EHMT1: variants seen among roughly 807,000 people sequenced by gnomAD.
EHMT1 encodes euchromatic histone lysine methyltransferase 1.
EHMT1 carries 15 observed loss-of-function variants against 147.2 expected under a neutral mutation model. That is an observed-to-expected ratio of 0.10 (90% CI 0.07 to 0.16). EHMT1 has a LOEUF of 0.16. Ranked by LOEUF, EHMT1 falls within the 10% of genes least tolerant of loss-of-function variation. The pLI is 1.00. For synonymous variants in EHMT1, 795 were observed against 709.6 expected (o/e 1.12, Z -1.91); for missense variants, 1,587 against 1,772.4 (o/e 0.90, Z 1.88).
chr9:137,674,356 C>T (rs1589211827), intron 1 of EHMT1, among the ~76,000 whole-genome samples: 2 of 152,274 alleles, frequency 1.3e-5, no homozygotes, highest in South Asian at 4.1e-4. Flanking sequence ...TCAAAGAGCA[C>T]CAACATGATA....
chr9:137,752,092 C>G (rs1949013566), intron 6 of EHMT1, among the ~76,000 whole-genome samples: 3 of 152,212 alleles, frequency 2.0e-5, no homozygotes, highest in African/African-American at 7.2e-5. Flanking sequence ...GAGACAGGAC[C>G]GGGGAGCAGA....
intron 26 of EHMT1, 79 bp from the exon 27 acceptor site, chr9:137,834,694 G>A (rs1956479575): frequency 2.5e-6 from 4 of 1,608,400 alleles, no homozygotes; most frequent in Non-Finnish European, 3.4e-6. Flanking sequence ...AGGAAGCTTT[G>A]GCCTTGCCTT....
intron 7 of EHMT1, among the ~76,000 whole-genome samples, chr9:137,752,760 A>C (rs1949073569): frequency 6.6e-6 from 1 of 151,978 alleles, no homozygotes. Flanking sequence ...ATGTGCGAGA[A>C]GGAAGGGCTG....
At chr9:137,826,314 TTTTG>T (rs1201689226) in intron 25 of EHMT1, among the ~76,000 whole-genome samples, 2 of 152,326 alleles carry the variant, frequency 1.3e-5, no homozygotes, top group African/African-American at 4.8e-5. Context: ...TTCTGGTTAG[TTTTG>T]TTTGAGTGCC....
intron 25 of EHMT1, among the ~76,000 whole-genome samples, chr9:137,824,178 C>T (rs1017482691): frequency 2.0e-5 from 3 of 152,122 alleles, no homozygotes; most frequent in African/African-American, 7.2e-5. Context: ...GAGGCCGAGA[C>T]GGAGTTTGAA....
chr9:137,635,985 G>A lies in EHMT1; in HGVS notation c.21+16936G>A, dbSNP rs535429500. Among the ~76,000 whole-genome samples the A allele has an allele frequency of 6.0e-5, 9 of 150,988 alleles. No individual in the cohort carries two copies. In the South Asian group the frequency reaches 8.5e-4, roughly 14 times the overall value. On this transcript the variant is annotated intron_variant, in intron 1 of 26. Coordinates refer to ENST00000460843, the MANE Select transcript of EHMT1 (RefSeq NM_024757.5). Reference sequence around the variant, plus strand: ...CGCCCAGGCTAGAGTGCAGTGGTACGATCTCGGTTCACTGCAACCTCCGCC... The same window carrying A: ...CGCCCAGGCTAGAGTGCAGTGGTACAATCTCGGTTCACTGCAACCTCCGCC...
At chr9:137,665,610 C>A (rs1271064337) in intron 1 of EHMT1, among the ~76,000 whole-genome samples, 1 of 152,146 alleles carries the variant, frequency 6.6e-6, no homozygotes, top group Non-Finnish European at 1.5e-5. Flanking sequence ...TCCCCAGATT[C>A]CATGTCTAGG....
rs867201389 is a variant in EHMT1 at position 137,652,711 on chromosome 9, A to G, written c.21+33662A>G. On this transcript the variant is annotated intron_variant, in intron 1 of 26. Coordinates refer to ENST00000460843, the MANE Select transcript of EHMT1 (RefSeq NM_024757.5). ...AGTGTATCTTAGTTTTTAACAAAAA[A>G]GTGTAAGAAGTTAAACTTTTTTTTT... 4.7e-5 allele frequency among the ~76,000 whole-genome samples: 7 copies of G among 148,130 alleles called. No individual in the cohort carries two copies. The South Asian group carries it at 1.3e-3, about 27-fold the overall frequency.
intron 1 of EHMT1, among the ~76,000 whole-genome samples, chr9:137,647,256 G>A (rs908195412): frequency 2.0e-5 from 3 of 152,044 alleles, no homozygotes; most frequent in African/African-American, 4.8e-5. Context: ...CCCCAGGCTC[G>A]TGCCCCAGGC....
At chr9:137,701,237 C>T (rs1943795844) in intron 1 of EHMT1, among the ~76,000 whole-genome samples, 1 of 152,024 alleles carries the variant, frequency 6.6e-6, no homozygotes, top group Non-Finnish European at 1.5e-5. Flanking sequence ...TCATTTTGCC[C>T]CTGATCCCTC....
chr9:137,753,367 G>A (rs777625109), intron 7 of EHMT1, among the ~76,000 whole-genome samples: 4 of 152,210 alleles, frequency 2.6e-5, no homozygotes, highest in Admixed American at 2.0e-4. Flanking sequence ...TCCAGCAGCA[G>A]CAGCTTTGGG....
At chr9:137,682,281 G>A (rs995571386) in intron 1 of EHMT1, among the ~76,000 whole-genome samples, 2 of 152,034 alleles carry the variant, frequency 1.3e-5, no homozygotes, top group Admixed American at 6.6e-5. Context: ...CACTGGGTTT[G>A]GAATTTATTA....
At chr9:137,620,374 C>T (rs1006498) in intron 1 of EHMT1, among the ~76,000 whole-genome samples, 3,925 of 152,190 alleles carry the variant, frequency 0.026, 78 homozygotes, top group Non-Finnish European at 0.036. Context: ...TTTTCTTCAC[C>T]CTGTGCAGCA....
chr9:137,827,437 C>T (rs1955882671), intron 25 of EHMT1, among the ~76,000 whole-genome samples: 2 of 152,190 alleles, frequency 1.3e-5, no homozygotes, highest in South Asian at 4.1e-4. Context: ...AGCTCTGACC[C>T]ACGCCCGGAC....
intron 16 of EHMT1, among the ~76,000 whole-genome samples, chr9:137,797,786 TA>T (rs1953083669): frequency 6.8e-6 from 1 of 147,490 alleles, no homozygotes; most frequent in Non-Finnish European, 1.5e-5. Context: ...GGGAGAAAGG[TA>T]ATGAAGGAAC....
At chr9:137,661,602 C>G (rs1053067315) in intron 1 of EHMT1, among the ~76,000 whole-genome samples, 1 of 151,544 alleles carries the variant, frequency 6.6e-6, no homozygotes, top group East Asian at 1.9e-4. Context: ...TCTCCTGCCT[C>G]AGCCTCCCGA....
At chr9:137,674,226 C>T (rs1010146227) in intron 1 of EHMT1, among the ~76,000 whole-genome samples, 1 of 152,162 alleles carries the variant, frequency 6.6e-6, no homozygotes, top group Non-Finnish European at 1.5e-5. Flanking sequence ...GGGGGCTGCA[C>T]GTGTGACCCG....
chr9:137,833,536 C>T (rs1052026176), intron 25 of EHMT1, among the ~76,000 whole-genome samples: 1 of 152,232 alleles, frequency 6.6e-6, no homozygotes, highest in East Asian at 1.9e-4. Context: ...ATCCAGGCCC[C>T]AGCAGCTCCA....
At chr9:137,659,424 T>C (rs1469348507) in intron 1 of EHMT1, among the ~76,000 whole-genome samples, 1 of 152,028 alleles carries the variant, frequency 6.6e-6, no homozygotes, top group Admixed American at 6.5e-5. Context: ...AATTAATTAT[T>C]TTTAGAGACA....
Sources: allele counts gnomAD v4.1 joint callset (sites outside exome capture counted in the v4.1 genomes callset), GRCh38; gene constraint gnomAD v4.1.1; transcripts MANE v1.5; gene names NCBI Gene and HGNC (gene_info 2026-07-23, HGNC 2026-07-21).